The following RBM33 variants were observed in gnomAD, a reference collection of about 807,000 sequenced individuals.
RBM33 encodes the protein RNA binding motif protein 33.
A neutral mutation model predicts 132.6 loss-of-function variants in RBM33; 28 were observed. The ratio of observed to expected loss-of-function variants is 0.21; its 90% confidence interval spans 0.16 to 0.29. The LOEUF (loss-of-function observed/expected upper bound fraction) is 0.29, where lower values mean the gene tolerates loss of function less well. Among genes scored for constraint, RBM33 ranks in the 10% least tolerant of loss-of-function variants. The pLI is 1.00. For synonymous variants in RBM33, 634 were observed against 593.0 expected, an observed-to-expected ratio of 1.07 and a Z score of -1.01; for missense variants, 1,291 against 1,518.5, an observed-to-expected ratio of 0.85 and a Z score of 2.49.
chr7:155,711,153 T>G (rs2116976964), intron 7 of RBM33, 50 bp from the exon 8 acceptor site: 2 of 1,443,290 alleles, frequency 1.4e-6, no homozygotes, highest in South Asian at 1.5e-5. Flanking sequence ...AACTTTTGTT[T>G]TTTTTTTTGT....
intron 14 of RBM33, among the ~76,000 whole-genome samples, chr7:155,747,750 T>C (rs1439292794): frequency 4.6e-5 from 7 of 152,214 alleles, no homozygotes; most frequent in Admixed American, 1.3e-4. Context: ...TATCTTAGGG[T>C]TTACTCAGTC....
At chr7:155,748,431 A>G (rs531623939) in intron 14 of RBM33, among the ~76,000 whole-genome samples, 1 of 152,218 alleles carries the variant, frequency 6.6e-6, no homozygotes, top group Non-Finnish European at 1.5e-5. Flanking sequence ...CAGTTGAAAT[A>G]TGTGTCCACA....
rs148571682 is a variant in RBM33, at chr7:155,676,123, T to G, written c.172-2485T>G. Among the ~76,000 whole-genome samples, 69 of 152,298 alleles carry G rather than the reference T, an allele frequency of 4.5e-4. 2 individuals are homozygous for G. The Middle Eastern group carries it at 0.041, about 90-fold the overall frequency. On this transcript the variant is annotated intron_variant, in intron 3 of 17. Transcript: ENST00000401878. ...CACGAAATGCACAATGATGAGCCTT[T>G]GCTTGGAGAGACTCCTAAGGCGCAG... is the stretch of plus-strand genomic sequence containing the variant.
intron 9 of RBM33, among the ~76,000 whole-genome samples, chr7:155,736,539 G>A (rs950434726): frequency 6.6e-6 from 1 of 152,136 alleles, no homozygotes. Context: ...ATTTTAATTT[G>A]TCTCTAAAGA....
intron 9 of RBM33, among the ~76,000 whole-genome samples, chr7:155,732,304 T>A (rs764268791): frequency 9.2e-5 from 14 of 152,254 alleles, no homozygotes; most frequent in South Asian, 2.1e-4. Flanking sequence ...TGATGCTGAT[T>A]TCCGGCTGTT....
intron 1 of RBM33, among the ~76,000 whole-genome samples, chr7:155,647,638 C>T (rs1798237645): frequency 2.6e-5 from 4 of 152,092 alleles, no homozygotes; most frequent in Admixed American, 2.0e-4. Flanking sequence ...GCCAAGGTGC[C>T]CAGGCAGGAA....
chr7:155,745,807 GT>G lies in RBM33; in HGVS notation c.2979+206del. 1.7e-6 allele frequency: 1 copy of G among 593,120 alleles called. No individual in the cohort carries two copies. The highest frequency in any genetic ancestry group is 3.0e-6 in the Non-Finnish European group (1 of 338,504). 36.7% of individuals were successfully genotyped at this position (593,120 alleles called of 1,614,324 possible). ...CAGAAATGTGTTGTTAGGCGATTTTGTCATTGTCTGAACGTGCTAGAATGTA... is the reference window on the plus strand; with the variant it reads ...CAGAAATGTGTTGTTAGGCGATTTTGCATTGTCTGAACGTGCTAGAATGTA... On this transcript the variant is annotated intron_variant, in intron 14 of 17. Coordinates refer to ENST00000401878, the MANE Select transcript of RBM33 (RefSeq NM_053043.3). The surrounding 1 kb of genome is among the most constrained non-coding windows in gnomAD (Gnocchi z 4.1).
intron 7 of RBM33, chr7:155,707,408 G>T (rs556816331): frequency 6.5e-6 from 3 of 458,172 alleles, no homozygotes; most frequent in Admixed American, 2.7e-5. Context: ...ACATTTGAGA[G>T]ATGTTATTAC....
Position 155,678,635 on chromosome 7 carries a change from C to T in RBM33, c.199C>T (p.Leu67=), listed in dbSNP as rs993274202. Residue 67 remains leucine, a synonymous_variant, in exon 4 of 18, where the codon CTA becomes TTA. Coordinates refer to ENST00000401878, the MANE Select transcript of RBM33 (RefSeq NM_053043.3). ...KNQSDLSDEE[L]NDDLLQSDNE... ...TCAGTCGGATTTGTCAGATGAAGAG[C>T]TAAATGATGATCTTTTGCAGAGTGA... 1.9e-6 allele frequency: 3 copies of T among 1,578,300 alleles called. No individual in the cohort carries two copies. The African/African-American group carries it at 4.1e-5, about 21-fold the overall frequency.
chr7:155,776,774 A>C lies in RBM33; in HGVS notation c.*1733A>C, dbSNP rs2117092207. On this transcript the variant is annotated 3_prime_UTR_variant, in exon 18 of 18. Transcript: ENST00000401878. The surrounding 1 kb of genome is among the most constrained non-coding windows in gnomAD (Gnocchi z 4.0). ...GTCAGCCCTGCCTCACCATGCCTGC[A>C]GGAGGCTGTCCAGGGAGCAGGTCTG... 1 of 152,418 alleles carries C rather than the reference A, an allele frequency of 6.6e-6. No homozygotes were observed. The highest frequency in any genetic ancestry group is 3.4e-3 in the Middle Eastern group (1 of 296). 9.4% of individuals were successfully genotyped at this position (152,418 alleles called of 1,614,324 possible).
chr7:155,778,855 G>A lies in RBM33; in HGVS notation c.*3814G>A, dbSNP rs1158518835. 6.5e-6 allele frequency: 1 copy of A among 153,048 alleles called. No homozygotes were observed. Among genetic ancestry groups the A allele is most frequent in the Non-Finnish European group, 1.5e-5 (1 of 68,064 alleles). The allele number at this position is 153,048 out of a possible 1,614,324, so 9.5% of individuals were successfully genotyped here. A position where few individuals can be genotyped will look rare whatever the true frequency, so the allele number is the denominator to read the frequency against. ...GACCATCAGACGCTTGTCGAAGGCA[G>A]GTCCTAGTCATGTAATTGCACAGGA... On this transcript the variant is annotated 3_prime_UTR_variant, in exon 18 of 18. Coordinates refer to ENST00000401878, the MANE Select transcript of RBM33 (RefSeq NM_053043.3). The surrounding 1 kb of genome is among the most constrained non-coding windows in gnomAD (Gnocchi z 4.0).
intron 5 of RBM33, chr7:155,685,195 C>T: frequency 1.2e-6 from 1 of 819,618 alleles, no homozygotes; most frequent in Non-Finnish European, 1.9e-6. Context: ...ACTTTCTAGG[C>T]TCCTTGGGAA....
chr7:155,668,866 AC>A (rs1356839247), intron 2 of RBM33, among the ~76,000 whole-genome samples: 1 of 152,108 alleles, frequency 6.6e-6, no homozygotes, highest in Non-Finnish European at 1.5e-5. Flanking sequence ...TATTTGTTCA[AC>A]TGGAATTTCT....
At chr7:155,645,696 A>G (rs1343082179) in intron 1 of RBM33, among the ~76,000 whole-genome samples, 1 of 152,250 alleles carries the variant, frequency 6.6e-6, no homozygotes, top group Non-Finnish European at 1.5e-5. Context: ...GAGATACTTG[A>G]AAGTGACTTT....
At chr7:155,707,747 C>T (rs1304653470) in intron 7 of RBM33, among the ~76,000 whole-genome samples, 1 of 152,182 alleles carries the variant, frequency 6.6e-6, no homozygotes, top group Non-Finnish European at 1.5e-5. Flanking sequence ...ACCTACACCT[C>T]CTGGGTTCAA....
chr7:155,747,854 A>G (rs1801566469), intron 14 of RBM33, among the ~76,000 whole-genome samples: 1 of 152,218 alleles, frequency 6.6e-6, no homozygotes, highest in African/African-American at 2.4e-5. Flanking sequence ...GCCTAATGGC[A>G]TTGTTTTTTG....
At chr7:155,679,416 T>C (rs1436872776) in intron 4 of RBM33, among the ~76,000 whole-genome samples, 1 of 152,200 alleles carries the variant, frequency 6.6e-6, no homozygotes, top group Middle Eastern at 3.2e-3. Flanking sequence ...TTTGGGCACT[T>C]TGGGAGGTGC....
At chr7:155,726,368 T>G (rs760989464) in intron 9 of RBM33, among the ~76,000 whole-genome samples, 44 of 152,240 alleles carry the variant, frequency 2.9e-4, no homozygotes, top group Non-Finnish European at 4.4e-4. Context: ...ATCGTTTTTT[T>G]TTTTGTAACC....
At chr7:155,750,335 A>G (rs1423543238) in intron 14 of RBM33, among the ~76,000 whole-genome samples, 3 of 151,198 alleles carry the variant, frequency 2.0e-5, no homozygotes, top group Admixed American at 2.0e-4. Flanking sequence ...AATAACAGCA[A>G]ATATAAAAAG....
Sources: allele counts gnomAD v4.1 joint callset (sites outside exome capture counted in the v4.1 genomes callset), GRCh38; gene constraint gnomAD v4.1.1; non-coding constraint Gnocchi (gnomAD v3.1); transcripts MANE v1.5; gene names NCBI Gene and HGNC (gene_info 2026-07-23, HGNC 2026-07-21).